PCDH15: variants seen among roughly 807,000 people sequenced by gnomAD.
PCDH15 encodes protocadherin related 15.
Under a neutral mutation model 178.5 loss-of-function variants are expected in PCDH15, and 129 were observed. The observed-to-expected ratio is 0.72, with a 90% CI of 0.63 to 0.84. PCDH15 has a LOEUF of 0.84. Among genes scored for constraint, PCDH15 ranks in the 40% least tolerant of loss-of-function variants. The pLI is 0.00. For synonymous variants in PCDH15, 800 were observed against 732.0 expected (o/e 1.09, Z -1.50); for missense variants, 2,230 against 2,099.9 (o/e 1.06, Z -1.21).
rs78799480 is a variant in PCDH15, at chr10:54,191,336, C to A, written c.1305+4347G>T. On this transcript the variant is annotated intron_variant, in intron 11 of 37. Coordinates refer to ENST00000644397, the MANE Select transcript of PCDH15 (RefSeq NM_001384140.1). The stretch of plus-strand genomic sequence containing the variant: ...GGATAATGAATACCGTGGAAAGATT[C>A]TCGAATGAAGGAATGCCTGAGGTGA... Among the ~76,000 whole-genome samples, 77 of 152,222 alleles carry A rather than the reference C, an allele frequency of 5.1e-4. 1 individual carries two copies. The highest frequency in any genetic ancestry group is 1.8e-3 in the African/African-American group (75 of 41,546).
At chr10:54,226,375 A>G (rs1212299411) in intron 9 of PCDH15, among the ~76,000 whole-genome samples, 1 of 152,158 alleles carries the variant, frequency 6.6e-6, no homozygotes, top group Non-Finnish European at 1.5e-5. Context: ...TATCTCCCAC[A>G]TGGTCCCTCC....
intron 1 of PCDH15, among the ~76,000 whole-genome samples, chr10:55,248,285 CTTA>C (rs1170413807): frequency 1.3e-5 from 2 of 151,886 alleles, no homozygotes; most frequent in Non-Finnish European, 2.9e-5. Flanking sequence ...GAAAAAAACA[CTTA>C]TTATACATGA....
intron 15 of PCDH15, among the ~76,000 whole-genome samples, chr10:54,118,337 A>C (rs996977477): frequency 4.6e-5 from 7 of 152,162 alleles, no homozygotes; most frequent in African/African-American, 1.7e-4. Flanking sequence ...TAGAAGAATG[A>C]AACTGGATTC....
intron 3 of PCDH15, among the ~76,000 whole-genome samples, chr10:54,453,782 AG>A (rs1406631747): frequency 3.3e-5 from 5 of 152,094 alleles, no homozygotes; most frequent in African/African-American, 1.2e-4. Context: ...ACCAGAACCA[AG>A]GATTTCTGAG....
intron 21 of PCDH15, among the ~76,000 whole-genome samples, chr10:53,978,722 T>C (rs1425686019): frequency 6.6e-6 from 1 of 151,724 alleles, no homozygotes; most frequent in Non-Finnish European, 1.5e-5. Context: ...ATACTCTGCT[T>C]CCTTTTGAAC....
intron 20 of PCDH15, among the ~76,000 whole-genome samples, chr10:53,999,129 T>C (rs1236065301): frequency 2.6e-5 from 4 of 151,934 alleles, no homozygotes; most frequent in Non-Finnish European, 4.4e-5. Flanking sequence ...TCAGGCTCTA[T>C]GAGGAGACAC....
chr10:54,542,909 T>C (rs1437155003), intron 2 of PCDH15, among the ~76,000 whole-genome samples: 1 of 152,122 alleles, frequency 6.6e-6, no homozygotes, highest in Non-Finnish European at 1.5e-5. Flanking sequence ...GCCAAGACCC[T>C]AGCAGGCAGA....
At position 53,995,728 on chromosome 10, in the gene PCDH15, A is replaced by G. The variant is rs752951910; in HGVS notation, c.2789T>C (p.Ile930Thr). 1.2e-6 allele frequency: 2 copies of G among 1,613,864 alleles called. No homozygotes were observed. The highest frequency in any genetic ancestry group is 3.3e-5 in the Admixed American group (2 of 60,002). Residue 930 changes from isoleucine to threonine, a missense_variant, in exon 21 of 38, where the codon ATA becomes ACA. Coordinates refer to ENST00000644397, the MANE Select transcript of PCDH15 (RefSeq NM_001384140.1). The part of the protein sequence containing the change: ...NDYPPVFSKR[I>T]YKGMVAPDAV... The stretch of plus-strand genomic sequence containing the variant: ...ATCCGGAGCCACCATCCCTTTGTAT[A>G]TTCGTTTACTAAAGACAGGAGGATA...
chr10:55,292,562 AG>A (rs1843033965), intron 1 of PCDH15, among the ~76,000 whole-genome samples: 2 of 152,000 alleles, frequency 1.3e-5, no homozygotes, highest in Non-Finnish European at 2.9e-5. Flanking sequence ...TTGTATTTTT[AG>A]TAGAGATGCA....
chr10:54,129,937 A>G (rs2042290102), intron 15 of PCDH15, among the ~76,000 whole-genome samples: 1 of 152,172 alleles, frequency 6.6e-6, no homozygotes, highest in Admixed American at 6.5e-5. Flanking sequence ...TTTTGTGTTT[A>G]AAAAAGGAGA....
chr10:54,297,708 G>C (rs1049157697), intron 8 of PCDH15, among the ~76,000 whole-genome samples: 5 of 152,146 alleles, frequency 3.3e-5, no homozygotes, highest in African/African-American at 9.7e-5. Context: ...GCCCAACGTG[G>C]GTACATGTCC....
At chr10:55,514,738 C>A (rs1485608475) in intron 2 of PCDH15, among the ~76,000 whole-genome samples, 2 of 151,960 alleles carry the variant, frequency 1.3e-5, no homozygotes, top group African/African-American at 4.8e-5. Context: ...CAAAGAAGGT[C>A]AAATAATTTC....
intron 15 of PCDH15, among the ~76,000 whole-genome samples, chr10:54,094,198 G>A (rs1178330903): frequency 1.3e-5 from 2 of 152,110 alleles, no homozygotes; most frequent in Non-Finnish European, 2.9e-5. Flanking sequence ...GCTGTGTTAG[G>A]CACTGAGGCT....
chr10:54,951,020 C>A (rs918855165), intron 2 of PCDH15, among the ~76,000 whole-genome samples: 1 of 151,906 alleles, frequency 6.6e-6, no homozygotes, highest in South Asian at 2.1e-4. Flanking sequence ...TTCTTAATAT[C>A]TTTCATGAGT....
intron 28 of PCDH15, among the ~76,000 whole-genome samples, 157 bp downstream of exon 28, chr10:53,857,018 T>A (rs987615815): frequency 6.6e-6 from 1 of 151,988 alleles, no homozygotes; most frequent in African/African-American, 2.4e-5. Flanking sequence ...ACTATTTGGG[T>A]GGTTGGCACA....
intron 3 of PCDH15, among the ~76,000 whole-genome samples, chr10:54,424,514 C>A (rs1219358932): frequency 2.0e-5 from 3 of 150,728 alleles, no homozygotes. Context: ...ACTGGGTATA[C>A]ACCCAAAGGA....
At chr10:54,208,459 A>G (rs1487336756) in intron 10 of PCDH15, among the ~76,000 whole-genome samples, 1 of 152,008 alleles carries the variant, frequency 6.6e-6, no homozygotes, top group Non-Finnish European at 1.5e-5. Flanking sequence ...GTCTCATAAA[A>G]GTAGTTAGTG....
intron 2 of PCDH15, among the ~76,000 whole-genome samples, chr10:54,982,968 C>T (rs1381259821): frequency 6.6e-6 from 1 of 151,976 alleles, no homozygotes; most frequent in South Asian, 2.1e-4. Flanking sequence ...AGTAATTTGA[C>T]CCCCCAAAAT....
chr10:54,927,008 T>A (rs1331849217), intron 2 of PCDH15, among the ~76,000 whole-genome samples: 1 of 151,638 alleles, frequency 6.6e-6, no homozygotes, highest in Non-Finnish European at 1.5e-5. Context: ...CAGTTTGATT[T>A]TAGTTCTTTT....
Sources: allele counts gnomAD v4.1 joint callset (sites outside exome capture counted in the v4.1 genomes callset), GRCh38; gene constraint gnomAD v4.1.1; transcripts MANE v1.5; gene names NCBI Gene and HGNC (gene_info 2026-07-23, HGNC 2026-07-21).